IL13RA1: variants seen among roughly 807,000 people sequenced by gnomAD.
The protein encoded by IL13RA1 is interleukin 13 receptor subunit alpha 1.
IL13RA1 carries 14 observed loss-of-function variants against 33.8 expected under a neutral mutation model. That is an observed-to-expected ratio of 0.41 (90% confidence interval 0.27 to 0.65). The LOEUF (loss-of-function observed/expected upper bound fraction) is 0.65. Ranked by LOEUF, IL13RA1 falls within the 30% of genes least tolerant of loss-of-function variation. The pLI, the probability that IL13RA1 is intolerant of heterozygous loss-of-function variation, is 0.28. For synonymous variants in IL13RA1, 116 were observed against 115.7 expected (o/e 1.00, Z -0.02); for missense variants, 313 against 327.0 (o/e 0.96, Z 0.33).
chrX:118,794,701 C>G (rs1232747630), downstream of IL13RA1, among the ~76,000 whole-genome samples: 4 of 111,472 alleles, frequency 3.6e-5, no homozygotes, highest in Non-Finnish European at 7.5e-5. Context: ...CCTATGTTTT[C>G]TGATAAGGGC....
At chrX:118,749,826 G>A (rs754036451) in intron 4 of IL13RA1, 48 bp downstream of exon 4, 4 of 924,499 alleles carry the variant, frequency 4.3e-6, no homozygotes, top group Non-Finnish European at 6.1e-6. Context: ...TAATTGTGTT[G>A]GGAGCCTTTG....
the IL13RA1 span, among the ~76,000 whole-genome samples, chrX:118,802,315 G>C: frequency 1.8e-5 from 2 of 112,527 alleles, no homozygotes; most frequent in African/African-American, 6.5e-5. Flanking sequence ...TACAGAAAAA[G>C]AATGTCTGCA....
At chrX:118,803,938 T>C in the IL13RA1 span, among the ~76,000 whole-genome samples, 1 of 100,853 alleles carries the variant, frequency 9.9e-6, no homozygotes, top group African/African-American at 3.6e-5. Flanking sequence ...CTCTTTTTTT[T>C]CTTTTTTCTT....
At chrX:118,800,609 C>T in the IL13RA1 span, among the ~76,000 whole-genome samples, 3 of 110,141 alleles carry the variant, frequency 2.7e-5, no homozygotes, top group African/African-American at 6.6e-5. Context: ...GGCGTGGGTC[C>T]GCGGCTTCAT....
chrX:118,735,071 C>T (rs1482004228), intron 1 of IL13RA1, among the ~76,000 whole-genome samples: 6 of 110,450 alleles, frequency 5.4e-5, no homozygotes, highest in Non-Finnish European at 7.6e-5. Flanking sequence ...TGTTAGTGTA[C>T]GGTTGTTCAT....
At chrX:118,801,460 G>A in the IL13RA1 span, among the ~76,000 whole-genome samples, 2 of 112,083 alleles carry the variant, frequency 1.8e-5, no homozygotes, top group South Asian at 3.7e-4. Flanking sequence ...CTTCCCTTGT[G>A]TTTTCTTTAT....
rs146462298 is a variant in IL13RA1, at chrX:118,743,997, T to C, written c.228+2841T>C. On this transcript the variant is annotated intron_variant, in intron 2 of 10. Coordinates refer to ENST00000371666, the MANE Select transcript of IL13RA1 (RefSeq NM_001560.3). ...CCTGTCTCTACTAAAAATACAAAAG[T>C]TAGCCAGGCGTGGTGGTGTGCACCT... Among the ~76,000 whole-genome samples, 373 of 111,384 alleles carry C rather than the reference T, an allele frequency of 3.3e-3. 4 individuals carry two copies. The highest frequency in any genetic ancestry group is 0.011 in the African/African-American group (347 of 30,619).
downstream of IL13RA1, among the ~76,000 whole-genome samples, chrX:118,795,882 C>T (rs1199507595): frequency 8.9e-6 from 1 of 112,545 alleles, no homozygotes; most frequent in Non-Finnish European, 1.9e-5. Flanking sequence ...ATTTCAGAGA[C>T]TCTGTTTTCT....
chrX:118,755,288 C>T (rs2017517888), intron 4 of IL13RA1, among the ~76,000 whole-genome samples: 1 of 111,259 alleles, frequency 9.0e-6, no homozygotes, highest in African/African-American at 3.3e-5. Flanking sequence ...CATTGAAGCC[C>T]TAGGGCAATG....
At chrX:118,757,632 AAAT>A (rs1409990260) in intron 4 of IL13RA1, among the ~76,000 whole-genome samples, 2 of 106,363 alleles carry the variant, frequency 1.9e-5, no homozygotes, top group Non-Finnish European at 3.9e-5. Context: ...TGCCCATTGC[AAAT>A]ATTGCTTTTC....
chrX:118,755,998 A>G (rs1172940488), intron 4 of IL13RA1, among the ~76,000 whole-genome samples: 1 of 110,774 alleles, frequency 9.0e-6, no homozygotes, highest in Non-Finnish European at 1.9e-5. Context: ...GAATAAATAC[A>G]TTAGCTCTGA....
At chrX:118,745,115 CAG>C (rs770990712) in intron 2 of IL13RA1, among the ~76,000 whole-genome samples, 1 of 111,972 alleles carries the variant, frequency 8.9e-6, no homozygotes, top group Non-Finnish European at 1.9e-5. Context: ...ATGCATCTCT[CAG>C]GGGCTGATTT....
chrX:118,749,889 A>G, intron 4 of IL13RA1, 111 bp downstream of exon 4: 1 of 480,119 alleles, frequency 2.1e-6, no homozygotes, highest in Non-Finnish European at 3.5e-6. Flanking sequence ...TGCAAACTCA[A>G]CAAGATGGAC....
At chrX:118,746,485 GA>G (rs1261301640) in intron 2 of IL13RA1, among the ~76,000 whole-genome samples, 1 of 111,870 alleles carries the variant, frequency 8.9e-6, no homozygotes, top group African/African-American at 3.3e-5. Flanking sequence ...ACTTCTAAGT[GA>G]ATTTTGATAA....
rs1465264605 is a variant in IL13RA1 at position 118,749,643 on chromosome X, G to A, written c.368-15G>A. 1 of 1,205,656 alleles carries A rather than the reference G, an allele frequency of 8.3e-7. No individual in the cohort carries two copies. The highest frequency in any genetic ancestry group is 1.1e-6 in the Non-Finnish European group (1 of 890,203). On this transcript the variant is annotated splice_polypyrimidine_tract_variant and intron_variant, in intron 3 of 10. Transcript: ENST00000371666. ...AGGAAAGAAGGGTCTTAAACTCTTGGCCTGGATATTCTAGGTGATCCTGAG... is the reference window on the plus strand; with the variant it reads ...AGGAAAGAAGGGTCTTAAACTCTTGACCTGGATATTCTAGGTGATCCTGAG...
intron 4 of IL13RA1, among the ~76,000 whole-genome samples, chrX:118,757,798 C>T (rs927557931): frequency 1.0e-5 from 1 of 96,984 alleles, no homozygotes; most frequent in Non-Finnish European, 2.0e-5. Flanking sequence ...TCAAGAGATT[C>T]TCCTTCCTCA....
In IL13RA1 at chrX:118,733,753, G is replaced by A. The variant is rs746742405; in HGVS notation, c.88+6027G>A. On this transcript the variant is annotated intron_variant, in intron 1 of 10. Transcript: ENST00000371666. ...TTCTTCTAAAAATTTTATAGTTTTA[G>A]TCTTAAAATTTCAGTCTCTGATCCA... Among the ~76,000 whole-genome samples, 495 of 109,666 alleles carry A rather than the reference G, an allele frequency of 4.5e-3. 1 individual carries two copies. Among genetic ancestry groups the A allele is most frequent in the Non-Finnish European group, 7.4e-3 (387 of 52,607 alleles).
chrX:118,805,119 T>G, the IL13RA1 span, among the ~76,000 whole-genome samples: 1 of 111,978 alleles, frequency 8.9e-6, no homozygotes, highest in Non-Finnish European at 1.9e-5. Flanking sequence ...GTTTCACTTC[T>G]TCCCTGCTAT....
At chrX:118,798,877 C>T (rs905917160), downstream of IL13RA1, among the ~76,000 whole-genome samples, 4 of 112,618 alleles carry the variant, frequency 3.6e-5, no homozygotes, top group East Asian at 2.8e-4. Context: ...CCCTTCGGCC[C>T]GCCGCTGCAC....
Sources: gnomAD v4.1 joint callset for allele counts (sites outside exome capture counted in the v4.1 genomes callset) on GRCh38, gnomAD v4.1.1 for gene constraint, MANE v1.5 for transcripts, NCBI Gene and HGNC (gene_info 2026-07-23, HGNC 2026-07-21) for gene names.